The following WIPF1 variants were observed in gnomAD, a reference collection of about 807,000 sequenced individuals.
WIPF1 encodes WAS/WASL-interacting protein family member 1.
Under a neutral mutation model 35.4 loss-of-function variants are expected in WIPF1, and 13 were observed. That is an observed-to-expected ratio of 0.37 (90% CI 0.24 to 0.58). The LOEUF (loss-of-function observed/expected upper bound fraction) is 0.58, where lower values mean the gene tolerates loss of function less well. WIPF1 is among the 20% of genes least tolerant of loss of function. The pLI, the probability that WIPF1 is intolerant of heterozygous loss-of-function variation, is 0.74. For synonymous variants in WIPF1, 267 were observed against 266.3 expected (o/e 1.00, Z -0.02); for missense variants, 591 against 667.0 (o/e 0.89, Z 1.25).
intron 1 of WIPF1, among the ~76,000 whole-genome samples, chr2:174,607,259 T>C (rs994701148): frequency 7.2e-5 from 11 of 151,766 alleles, no homozygotes; most frequent in Non-Finnish European, 1.5e-4. Flanking sequence ...AAAAATTAGC[T>C]GGGCGTGGTG....
intron 1 of WIPF1, among the ~76,000 whole-genome samples, chr2:174,647,865 G>A (rs983835338): frequency 2.6e-5 from 4 of 152,182 alleles, no homozygotes; most frequent in African/African-American, 9.7e-5. Flanking sequence ...TTTAAGCCAT[G>A]CCTTTTAGAA....
chr2:174,664,972 T>C (rs1200661110), intron 1 of WIPF1, among the ~76,000 whole-genome samples: 1 of 152,146 alleles, frequency 6.6e-6, no homozygotes, highest in African/African-American at 2.4e-5. Context: ...CCATATTATG[T>C]TAATGTTTTA....
chr2:174,588,619 C>A (rs1685503630), intron 1 of WIPF1, among the ~76,000 whole-genome samples: 1 of 152,240 alleles, frequency 6.6e-6, no homozygotes, highest in Non-Finnish European at 1.5e-5. Context: ...CCAGGGAGGG[C>A]GTGTTAACTT....
Position 174,647,586 on chromosome 2 carries a change from C to A in WIPF1, c.-39+35188G>T, listed in dbSNP as rs143549899. Among the ~76,000 whole-genome samples the A allele has an allele frequency of 9.0e-4, 135 of 150,784 alleles. 2 individuals are homozygous for A. The East Asian group carries it at 0.025, about 28-fold the overall frequency. Reference sequence around the variant, plus strand: ...ATGAGGTTTCACCATGTTGGTCAGGCTAGTCTTGAACTCCTGACCTCGTGA... The same window carrying A: ...ATGAGGTTTCACCATGTTGGTCAGGATAGTCTTGAACTCCTGACCTCGTGA... On this transcript the variant is annotated intron_variant, in intron 1 of 8. Transcript: ENST00000272746.
In WIPF1 at chr2:174,594,551, T is replaced by G. The variant is rs1685733066; in HGVS notation, c.-39+3050A>C. Among the ~76,000 whole-genome samples the G allele has an allele frequency of 2.6e-5, 4 of 152,130 alleles. No homozygotes were observed. In the South Asian group the frequency reaches 8.3e-4, roughly 31 times the overall value. On this transcript the variant is annotated intron_variant, in intron 1 of 7. Transcript: ENST00000679041. ...AACATTTTTATTTTATCCATATAAT[T>G]AAAGAGTAGCAGGTTTTCTCCCATA...
rs144912340 is a variant in WIPF1 at position 174,682,311 on chromosome 2, G to C, written c.-39+463C>G. On this transcript the variant is annotated intron_variant, in intron 1 of 8. Transcript: ENST00000272746. Reference sequence around the variant, plus strand: ...GGTTCCCATAGACAGGCAGGCGGGCGGTGCCAGAACTTGAGCCGGCCCCAG... The same window carrying C: ...GGTTCCCATAGACAGGCAGGCGGGCCGTGCCAGAACTTGAGCCGGCCCCAG... Among the ~76,000 whole-genome samples, 742 of 152,302 alleles carry C rather than the reference G, an allele frequency of 4.9e-3. 4 individuals are homozygous for C. The highest frequency in any genetic ancestry group is 0.017 in the Middle Eastern group (5 of 294).
chr2:174,611,422 C>T (rs1053983476), intron 1 of WIPF1, among the ~76,000 whole-genome samples: 1 of 152,178 alleles, frequency 6.6e-6, no homozygotes, highest in Non-Finnish European at 1.5e-5. Flanking sequence ...TAGGCCAGCC[C>T]ACAAAAGTAT....
intron 1 of WIPF1, among the ~76,000 whole-genome samples, chr2:174,674,799 G>A (rs571814337): frequency 6.6e-6 from 1 of 152,082 alleles, no homozygotes; most frequent in Non-Finnish European, 1.5e-5. Context: ...TTTTCAAATA[G>A]TGTCAGTGAG....
chr2:174,611,363 T>TAAAAA (rs1553532116), intron 1 of WIPF1, among the ~76,000 whole-genome samples: 1 of 152,040 alleles, frequency 6.6e-6, no homozygotes, highest in Non-Finnish European at 1.5e-5. Context: ...ACCATTTCCA[T>TAAAAA]AAAACAAAAA....
intron 1 of WIPF1, among the ~76,000 whole-genome samples, chr2:174,667,032 G>A (rs1479959094): frequency 6.6e-6 from 1 of 152,252 alleles, no homozygotes; most frequent in Non-Finnish European, 1.5e-5. Context: ...AAACCTTGCT[G>A]TATCAGATCG....
At chr2:174,593,642 T>TA (rs967728662) in intron 1 of WIPF1, among the ~76,000 whole-genome samples, 3 of 152,208 alleles carry the variant, frequency 2.0e-5, no homozygotes, top group East Asian at 1.9e-4. Context: ...CAACTTCCTG[T>TA]AAAAAATGCT....
intron 1 of WIPF1, among the ~76,000 whole-genome samples, chr2:174,604,493 A>G (rs1686097739): frequency 6.6e-6 from 1 of 152,256 alleles, no homozygotes; most frequent in Non-Finnish European, 1.5e-5. Flanking sequence ...TCTCTTCACA[A>G]TGTATATGTC....
In WIPF1 at chr2:174,654,167, AT is replaced by A. The variant is rs1333389681; in HGVS notation, c.-39+28606del. ...GTTTAATGCTTTATATCATTCTTCC[AT>A]GCATAATTTATTGTACCATTTATGT... On this transcript the variant is annotated intron_variant, in intron 1 of 8. Transcript: ENST00000272746. Among the ~76,000 whole-genome samples the A allele has an allele frequency of 2.8e-4, 42 of 152,178 alleles. 1 individual carries two copies. Among genetic ancestry groups the A allele is most frequent in the Non-Finnish European group, 1.3e-4 (9 of 68,030 alleles).
rs1158052520 is a variant in WIPF1 at position 174,595,109 on chromosome 2, AATATATATATATATAT to A, written c.-39+2476_-39+2491del. ...TCTACAAAAAAAAAAAAAAAAAAAA[AATATATATATATATAT>A]ATATATATATATATAATTAACTGGG... is the stretch of plus-strand genomic sequence containing the variant. On this transcript the variant is annotated intron_variant, in intron 1 of 7. Coordinates refer to ENST00000679041, the MANE Select transcript of WIPF1 (RefSeq NM_001375834.1). Among the ~76,000 whole-genome samples, 15 of 57,746 alleles carry A rather than the reference AATATATATATATATAT, an allele frequency of 2.6e-4. No individual in the cohort carries two copies. The East Asian group carries it at 2.9e-3, about 11-fold the overall frequency. 37.9% of individuals were successfully genotyped at this position (57,746 alleles called of 152,430 possible). A position where few individuals can be genotyped will look rare whatever the true frequency, so the allele number is the denominator to read the frequency against.
upstream of WIPF1, among the ~76,000 whole-genome samples, chr2:174,600,177 A>G (rs1168235503): frequency 6.6e-6 from 1 of 152,152 alleles, no homozygotes; most frequent in East Asian, 1.9e-4. Flanking sequence ...GACTGGTTGG[A>G]GACCCCTACC....
rs756813297 is a variant in WIPF1 at position 174,571,709 on chromosome 2, G to C, written c.1096C>G (p.Pro366Ala). ...PLPPPPSERP[P>A]PPVRDPPGRS... ...CCTGGCGGGTCCCTCACTGGAGGTG[G>C]GGGTCTCTCACTGGGCGGGGGAGGA... The change falls in exon 5 of 8, where the codon CCA (proline) becomes GCA (alanine). Residue 366 changes from proline (P) to alanine (A), a missense_variant. This residue lies in a region of WIPF1 where 471 missense variants were observed against 501.1 expected (regional missense o/e 0.94). Transcript: ENST00000679041. The surrounding 1 kb of genome is among the most constrained non-coding windows in gnomAD (Gnocchi z 4.6). The C allele has an allele frequency of 2.5e-6, 4 of 1,614,144 alleles. 1 individual carries two copies. In the South Asian group the frequency reaches 4.4e-5, roughly 18 times the overall value.
intron 1 of WIPF1, among the ~76,000 whole-genome samples, chr2:174,606,030 T>C (rs1686152756): frequency 6.6e-6 from 1 of 152,094 alleles, no homozygotes; most frequent in Non-Finnish European, 1.5e-5. Flanking sequence ...GAATGAGGGC[T>C]CCCCTACAAT....
intron 1 of WIPF1, among the ~76,000 whole-genome samples, chr2:174,669,093 T>C (rs1266153254): frequency 2.0e-5 from 3 of 152,214 alleles, no homozygotes; most frequent in Non-Finnish European, 4.4e-5. Flanking sequence ...AATGTTATTT[T>C]ATCATTCCTT....
At position 174,666,355 on chromosome 2, in the gene WIPF1, G is replaced by A. The variant is rs188544992; in HGVS notation, c.-39+16419C>T. Among the ~76,000 whole-genome samples the A allele has an allele frequency of 2.0e-4, 31 of 152,252 alleles. 1 individual carries two copies. The East Asian group carries it at 6.0e-3, about 29-fold the overall frequency. On this transcript the variant is annotated intron_variant, in intron 1 of 8. Coordinates refer to the WIPF1 transcript ENST00000272746. ...AGCCCCAGGAATCTATACAATGTAA[G>A]GTTCCTTGCCTATGGCCTCCAAATT...
Sources: allele counts gnomAD v4.1 joint callset (sites outside exome capture counted in the v4.1 genomes callset), GRCh38; gene constraint gnomAD v4.1.1; regional missense constraint gnomAD v4.1.1; non-coding constraint Gnocchi (gnomAD v3.1); transcripts MANE v1.5; gene names NCBI Gene and HGNC (gene_info 2026-07-23, HGNC 2026-07-21).